Variants in MARK1 observed in about 807,000 individuals in gnomAD.
MARK1 encodes microtubule affinity regulating kinase 1, also known as serine/threonine-protein kinase MARK1.
A neutral mutation model predicts 96.3 loss-of-function variants in MARK1; 40 were observed. The ratio of observed to expected loss-of-function variants is 0.42; its 90% CI spans 0.32 to 0.54. The LOEUF (loss-of-function observed/expected upper bound fraction) is 0.54, where lower values mean the gene tolerates loss of function less well. MARK1 is among the 20% of genes least tolerant of loss of function. MARK1 has a pLI of 0.16. For synonymous variants in MARK1, 317 were observed against 341.2 expected (o/e 0.93, Z 0.78); for missense variants, 719 against 984.6 (o/e 0.73, Z 3.61).
At chr1:220,652,744 A>G (rs1217581593) in intron 15 of MARK1, among the ~76,000 whole-genome samples, 2 of 152,196 alleles carry the variant, frequency 1.3e-5, no homozygotes, top group Non-Finnish European at 2.9e-5. Flanking sequence ...AGAAATAGGA[A>G]ATTATTTTAT....
intron 1 of MARK1, among the ~76,000 whole-genome samples, chr1:220,576,189 T>G (rs1663835121): frequency 6.6e-6 from 1 of 151,586 alleles, no homozygotes; most frequent in Non-Finnish European, 1.5e-5. Flanking sequence ...CCTAAGTGGC[T>G]TAAACCAAGA....
chr1:220,538,469 T>C (rs1660885194), intron 1 of MARK1, among the ~76,000 whole-genome samples: 1 of 152,186 alleles, frequency 6.6e-6, no homozygotes. Context: ...CATGCTGTTT[T>C]GGTTACTGTA....
At chr1:220,562,155 G>T (rs1662709799) in intron 1 of MARK1, among the ~76,000 whole-genome samples, 1 of 152,130 alleles carries the variant, frequency 6.6e-6, no homozygotes, top group African/African-American at 2.4e-5. Context: ...TTGGCCTTTT[G>T]ATGATACTAT....
At chr1:220,541,267 A>G (rs896881941) in intron 1 of MARK1, among the ~76,000 whole-genome samples, 7 of 152,204 alleles carry the variant, frequency 4.6e-5, no homozygotes, top group Non-Finnish European at 5.9e-5. Context: ...TTTTAATGAA[A>G]TCACGATAAA....
chr1:220,561,139 A>T (rs1402867253), intron 1 of MARK1, among the ~76,000 whole-genome samples: 1 of 152,088 alleles, frequency 6.6e-6, no homozygotes, highest in African/African-American at 2.4e-5. Flanking sequence ...CATTACAGGG[A>T]TGAATGGTAG....
At chr1:220,586,575 T>C (rs1298749184) in intron 3 of MARK1, among the ~76,000 whole-genome samples, 1 of 152,236 alleles carries the variant, frequency 6.6e-6, no homozygotes, top group Non-Finnish European at 1.5e-5. Flanking sequence ...TCTGATGTTT[T>C]TGTTTTAATG....
intron 1 of MARK1, among the ~76,000 whole-genome samples, chr1:220,574,489 G>C (rs1298418155): frequency 6.6e-6 from 1 of 152,034 alleles, no homozygotes; most frequent in Non-Finnish European, 1.5e-5. Context: ...CTCCTTTTTA[G>C]CCGAGAAAAC....
chr1:220,533,158 A>G (rs189192958), intron 1 of MARK1, among the ~76,000 whole-genome samples: 184 of 152,284 alleles, frequency 1.2e-3, no homozygotes, highest in Non-Finnish European at 2.1e-3. Flanking sequence ...CTTCATATCA[A>G]ATTTACAAAT....
At chr1:220,558,535 A>T (rs1014892224) in intron 1 of MARK1, among the ~76,000 whole-genome samples, 1 of 152,174 alleles carries the variant, frequency 6.6e-6, no homozygotes, top group East Asian at 1.9e-4. Context: ...TGAAAAAAAG[A>T]TGATTAAGAA....
At chr1:220,643,167 G>A (rs890101761) in intron 13 of MARK1, among the ~76,000 whole-genome samples, 26 of 152,260 alleles carry the variant, frequency 1.7e-4, no homozygotes, top group African/African-American at 6.3e-4. Context: ...TGAGCTAAAG[G>A]ATTATGTTCA....
chr1:220,581,668 T>G (rs550942399), intron 3 of MARK1, among the ~76,000 whole-genome samples: 43 of 152,304 alleles, frequency 2.8e-4, no homozygotes, highest in African/African-American at 9.9e-4. Flanking sequence ...TTTGCTCTTC[T>G]TCCTTCTTCC....
chr1:220,621,755 C>G (rs1667066901), intron 9 of MARK1, among the ~76,000 whole-genome samples: 2 of 152,048 alleles, frequency 1.3e-5, no homozygotes, highest in Admixed American at 6.6e-5. Flanking sequence ...AGAGTATCCT[C>G]TAGTCTTTCT....
rs753896578 is a variant in MARK1, at chr1:220,661,828, C to A, written c.2050C>A (p.Pro684Thr). The change falls in exon 18 of 18, where the codon CCA becomes ACA. Residue 684 changes from proline (P) to threonine (T), a missense_variant. Pro to Thr is a conservative substitution (Grantham distance 38). Around this residue, in one of 4 missense-constraint regions of MARK1, gnomAD observed 501 missense variants for 588.3 expected, o/e 0.85. Transcript: ENST00000366917. Reference protein sequence around the residue: ...TDTSRSTSGEPKERDKEEGKD... With the variant: ...TDTSRSTSGETKERDKEEGKD... ...TTGTTCCAGAAGTACATCAGGGGAACCAAAAGAAAGAGACAAGGAAGAGGG... is the reference window on the plus strand; with the variant it reads ...TTGTTCCAGAAGTACATCAGGGGAAACAAAAGAAAGAGACAAGGAAGAGGG... 2 of 1,607,410 alleles carry A rather than the reference C, an allele frequency of 1.2e-6. No individual in the cohort carries two copies. Among genetic ancestry groups the A allele is most frequent in the African/African-American group, 1.3e-5 (1 of 74,644 alleles).
chr1:220,623,036 A>G (rs748178976), intron 9 of MARK1, among the ~76,000 whole-genome samples: 1 of 152,052 alleles, frequency 6.6e-6, no homozygotes, highest in Non-Finnish European at 1.5e-5. Flanking sequence ...GGCTAGAGTA[A>G]ACTTTGTTTT....
chr1:220,622,052 T>C (rs145845447), intron 9 of MARK1, among the ~76,000 whole-genome samples: 1 of 152,318 alleles, frequency 6.6e-6, no homozygotes, highest in Non-Finnish European at 1.5e-5. Context: ...GTCAGCTCTT[T>C]CTAATTGTAC....
chr1:220,591,667 A>C (rs1162842356), intron 3 of MARK1, among the ~76,000 whole-genome samples: 1 of 152,228 alleles, frequency 6.6e-6, no homozygotes, highest in Non-Finnish European at 1.5e-5. Context: ...AAAGTTATAT[A>C]AACATTTAAC....
At chr1:220,645,913 TAGTA>T (rs1668550947) in intron 13 of MARK1, among the ~76,000 whole-genome samples, 1 of 152,134 alleles carries the variant, frequency 6.6e-6, no homozygotes, top group African/African-American at 2.4e-5. Context: ...TCCTTAAAAA[TAGTA>T]AGAGGCATAT....
chr1:220,631,456 C>T (rs574960119), intron 10 of MARK1, among the ~76,000 whole-genome samples: 58 of 152,260 alleles, frequency 3.8e-4, no homozygotes, highest in African/African-American at 1.3e-3. Context: ...TGATAAGCAT[C>T]AGCGAACATA....
At position 220,635,387 on chromosome 1, in the gene MARK1, T is replaced by C; in HGVS notation, c.1134T>C (p.Gly378=). The change falls in exon 12 of 18, where the codon GGT becomes GGC. Residue 378 remains glycine (G), a synonymous_variant. Coordinates refer to ENST00000366917, the MANE Select transcript of MARK1 (RefSeq NM_018650.5). Reference sequence around the variant, plus strand: ...TTTTCTTCTTATAGTTTGAAGGTGGTGAATCGTTATCCAGTGGAAACTTGT... The same window carrying C: ...TTTTCTTCTTATAGTTTGAAGGTGGCGAATCGTTATCCAGTGGAAACTTGT... The part of the protein sequence containing the change: ...LGRKPPEFEG[G]ESLSSGNLCQ... 1 of 1,596,042 alleles carries C rather than the reference T, an allele frequency of 6.3e-7. No individual in the cohort carries two copies. Among genetic ancestry groups the C allele is most frequent in the Non-Finnish European group, 8.5e-7 (1 of 1,174,936 alleles).
Sources: gnomAD v4.1 joint callset for allele counts (sites outside exome capture counted in the v4.1 genomes callset) on GRCh38, gnomAD v4.1.1 for gene constraint, gnomAD v4.1.1 regional missense constraint, MANE v1.5 for transcripts, NCBI Gene and HGNC (gene_info 2026-07-23, HGNC 2026-07-21) for gene names.